The following RGS7 variants were observed in gnomAD, a reference collection of about 807,000 sequenced individuals.
RGS7 encodes the protein regulator of G protein signaling 7, also known as regulator of G-protein signaling 7.
Under a neutral mutation model 81.1 loss-of-function variants are expected in RGS7, and 27 were observed. That is an observed-to-expected ratio of 0.33 (90% CI 0.25 to 0.46). The LOEUF is 0.46. RGS7 is among the 20% of genes least tolerant of loss of function. The pLI, the probability that RGS7 is intolerant of heterozygous loss-of-function variation, is 1.00. For synonymous variants in RGS7, 208 were observed against 207.7 expected (o/e 1.00, Z -0.01); for missense variants, 396 against 607.4 (o/e 0.65, Z 3.66).
chr1:241,168,989 T>C (rs2070499613), intron 2 of RGS7, among the ~76,000 whole-genome samples: 1 of 152,198 alleles, frequency 6.6e-6, no homozygotes, highest in Non-Finnish European at 1.5e-5. Context: ...GCCACCTGGT[T>C]GACATCTTCA....
rs144238217 is a variant in RGS7 at position 240,845,680 on chromosome 1, A to T, written c.610-18508T>A. Among the ~76,000 whole-genome samples the T allele has an allele frequency of 1.2e-3, 185 of 152,292 alleles. 2 individuals are homozygous for T. Among genetic ancestry groups the T allele is most frequent in the East Asian group, 9.9e-3 (51 of 5,166 alleles). ...TTGTAAAGAATAAGTGGTATGATAA[A>T]TCTAAAAGGCTTTTGCCACCAGAAA... is the stretch of plus-strand genomic sequence containing the variant. On this transcript the variant is annotated intron_variant, in intron 9 of 18. Transcript: ENST00000440928.
At chr1:241,114,085 A>G (rs1275659126) in intron 2 of RGS7, among the ~76,000 whole-genome samples, 1 of 152,182 alleles carries the variant, frequency 6.6e-6, no homozygotes, top group Non-Finnish European at 1.5e-5. Flanking sequence ...TAGACCACAT[A>G]TGAGCACAGA....
chr1:240,982,587 G>A (rs2148556489), intron 4 of RGS7, among the ~76,000 whole-genome samples: 1 of 152,114 alleles, frequency 6.6e-6, no homozygotes, highest in Non-Finnish European at 1.5e-5. Context: ...ACAGGTTTAT[G>A]ACTTAAATAG....
intron 13 of RGS7, among the ~76,000 whole-genome samples, chr1:240,813,382 C>G (rs1359977322): frequency 2.6e-5 from 4 of 152,340 alleles, no homozygotes; most frequent in African/African-American, 9.6e-5. Flanking sequence ...AATTGCACCT[C>G]TAATTTTGGG....
intron 9 of RGS7, among the ~76,000 whole-genome samples, chr1:240,857,113 C>T (rs779945397): frequency 1.3e-5 from 2 of 152,120 alleles, no homozygotes; most frequent in African/African-American, 2.4e-5. Flanking sequence ...CACCACATGA[C>T]GCTGTTTTGT....
In RGS7 at chr1:240,930,745, A is replaced by T; in HGVS notation, c.357T>A (p.Asn119Lys). The T allele has an allele frequency of 6.2e-7, 1 of 1,613,920 alleles. No individual in the cohort carries two copies. The highest frequency in any genetic ancestry group is 8.5e-7 in the Non-Finnish European group (1 of 1,179,858). Reference protein sequence around the residue: ...RFQTPYFWPSNCWEPENTDYA... With the variant: ...RFQTPYFWPSKCWEPENTDYA... ...AATCTGTGTTTTCCGGCTCCCAACAATTTGATGGCCAAAAATAGGGGGTCT... is the reference window on the plus strand; with the variant it reads ...AATCTGTGTTTTCCGGCTCCCAACATTTTGATGGCCAAAAATAGGGGGTCT... The change falls in exon 6 of 19, where the codon AAT becomes AAA. Residue 119 changes from asparagine to lysine, a missense_variant. Coordinates refer to ENST00000440928, the MANE Select transcript of RGS7 (RefSeq NM_001364886.1).
chr1:241,024,213 G>A (rs1048959663), intron 3 of RGS7, among the ~76,000 whole-genome samples: 6 of 152,316 alleles, frequency 3.9e-5, no homozygotes, highest in African/African-American at 1.4e-4. Context: ...TGATAAGGAG[G>A]CATGTGAAGC....
intron 2 of RGS7, among the ~76,000 whole-genome samples, chr1:241,335,363 G>A (rs1335815349): frequency 6.6e-6 from 1 of 152,050 alleles, no homozygotes; most frequent in Non-Finnish European, 1.5e-5. Context: ...CCACTCTGTG[G>A]GCAATTCAAT....
chr1:241,330,665 T>C (rs2081927365), intron 2 of RGS7, among the ~76,000 whole-genome samples: 1 of 152,184 alleles, frequency 6.6e-6, no homozygotes, highest in Non-Finnish European at 1.5e-5. Flanking sequence ...GCTACCCCTA[T>C]AGCTATATTT....
chr1:241,122,238 C>A (rs1265629727), intron 2 of RGS7, among the ~76,000 whole-genome samples: 1 of 152,136 alleles, frequency 6.6e-6, no homozygotes, highest in Non-Finnish European at 1.5e-5. Flanking sequence ...GTAGTTAGTA[C>A]CTATACCTTC....
At chr1:241,075,693 G>C (rs1452374846) in intron 3 of RGS7, among the ~76,000 whole-genome samples, 1 of 152,202 alleles carries the variant, frequency 6.6e-6, no homozygotes, top group Non-Finnish European at 1.5e-5. Context: ...CATGCAGCCT[G>C]TGGGCCATGG....
chr1:241,056,146 C>T (rs944887812), intron 3 of RGS7, among the ~76,000 whole-genome samples: 1 of 152,204 alleles, frequency 6.6e-6, no homozygotes, highest in African/African-American at 2.4e-5. Flanking sequence ...AACATTCACT[C>T]TAGCCCTCAG....
chr1:240,997,885 T>C (rs1687534916), intron 3 of RGS7, among the ~76,000 whole-genome samples: 1 of 152,232 alleles, frequency 6.6e-6, no homozygotes, highest in Non-Finnish European at 1.5e-5. Flanking sequence ...CTTACATGTT[T>C]GCTTACCACG....
chr1:241,088,007 CAT>C (rs1553414161), intron 3 of RGS7, among the ~76,000 whole-genome samples: 11 of 131,230 alleles, frequency 8.4e-5, no homozygotes, highest in African/African-American at 1.5e-4. Context: ...CACACACACA[CAT>C]ATATATATAC....
intron 18 of RGS7, among the ~76,000 whole-genome samples, chr1:240,796,935 T>G (rs1221155486): frequency 6.6e-6 from 1 of 152,206 alleles, no homozygotes; most frequent in Non-Finnish European, 1.5e-5. Context: ...ATTGTCTTCA[T>G]TAAGATAGAG....
chr1:241,231,537 TTAGTAGAGA>T lies in RGS7; in HGVS notation c.78+124153_78+124161del, dbSNP rs1336250860. ...CCACGCCTGGCTAATTTTTGTATTTTTAGTAGAGACAGGGTTTTGCCATGTTGGGCAGGC... is the reference window on the plus strand; with the variant it reads ...CCACGCCTGGCTAATTTTTGTATTTTCAGGGTTTTGCCATGTTGGGCAGGC... On this transcript the variant is annotated intron_variant, in intron 2 of 18. Transcript: ENST00000440928. Among the ~76,000 whole-genome samples, 3 of 152,146 alleles carry T rather than the reference TTAGTAGAGA, an allele frequency of 2.0e-5. No homozygotes were observed. The East Asian group carries it at 5.8e-4, about 29-fold the overall frequency.
chr1:240,789,852 T>C (rs980562285), intron 18 of RGS7, among the ~76,000 whole-genome samples: 1 of 152,202 alleles, frequency 6.6e-6, no homozygotes, highest in Non-Finnish European at 1.5e-5. Flanking sequence ...TTGTGAAGCA[T>C]GTGATCTCTG....
intron 3 of RGS7, among the ~76,000 whole-genome samples, chr1:241,068,825 G>A (rs867243415): frequency 2.9e-4 from 44 of 152,310 alleles, no homozygotes; most frequent in Middle Eastern, 3.4e-3. Flanking sequence ...TGTTGGAGGC[G>A]GGGCCTGTTG....
intron 5 of RGS7, among the ~76,000 whole-genome samples, chr1:240,934,396 AC>A (rs1230667580): frequency 1.3e-5 from 2 of 152,178 alleles, no homozygotes; most frequent in Middle Eastern, 3.2e-3. Flanking sequence ...GTAATAAAGA[AC>A]TTTCGCTGCT....
Sources: gnomAD v4.1 joint callset for allele counts (sites outside exome capture counted in the v4.1 genomes callset) on GRCh38, gnomAD v4.1.1 for gene constraint, MANE v1.5 for transcripts, NCBI Gene and HGNC (gene_info 2026-07-23, HGNC 2026-07-21) for gene names.